The following CHODL variants were observed in gnomAD, a reference collection of about 807,000 sequenced individuals.
CHODL encodes the protein chondrolectin.
In CHODL, 29 loss-of-function variants were observed where a neutral mutation model predicts 34.5. The observed-to-expected ratio is 0.84, with a 90% CI of 0.63 to 1.15. The LOEUF is 1.15. Among genes scored for constraint, CHODL ranks in the 50% most tolerant of loss-of-function variants. The pLI, the probability that CHODL is intolerant of heterozygous loss-of-function variation, is 0.00. For missense variants in CHODL, 332 were observed against 332.5 expected (o/e 1.00, Z 0.01); for synonymous variants, 125 against 116.1 (o/e 1.08, Z -0.49).
intron 2 of CHODL, among the ~76,000 whole-genome samples, chr21:18,237,741 A>C (rs944692184): frequency 1.3e-5 from 2 of 152,042 alleles, no homozygotes; most frequent in Non-Finnish European, 2.9e-5. Flanking sequence ...TTCTCCACCT[A>C]CTGTTTGTTA....
chr21:18,070,280 A>T (rs1331843372), intron 2 of CHODL, among the ~76,000 whole-genome samples: 1 of 152,010 alleles, frequency 6.6e-6, no homozygotes, highest in African/African-American at 2.4e-5. Flanking sequence ...GTAGAAAAAT[A>T]ACATTAATGT....
At chr21:18,129,924 G>C (rs1185863107) in intron 2 of CHODL, among the ~76,000 whole-genome samples, 1 of 145,644 alleles carries the variant, frequency 6.9e-6, no homozygotes, top group Non-Finnish European at 1.5e-5. Flanking sequence ...GTGTGTGTGT[G>C]TGTGTCTGTG....
chr21:18,261,540 C>T (rs1242128041), intron 4 of CHODL, among the ~76,000 whole-genome samples: 1 of 151,468 alleles, frequency 6.6e-6, no homozygotes, highest in Non-Finnish European at 1.5e-5. Flanking sequence ...GGTGGCAGGT[C>T]CCTGTAATTC....
chr21:18,011,847 T>C (rs2064022538), intron 1 of CHODL, among the ~76,000 whole-genome samples: 1 of 152,230 alleles, frequency 6.6e-6, no homozygotes, highest in South Asian at 2.1e-4. Context: ...ACTCCACAGA[T>C]GTTGTGTACT....
At chr21:18,152,395 G>A (rs933971324) in intron 2 of CHODL, among the ~76,000 whole-genome samples, 60 of 152,306 alleles carry the variant, frequency 3.9e-4, no homozygotes, top group African/African-American at 1.4e-3. Flanking sequence ...AGAAATCTGA[G>A]TACTGCTTAG....
rs528425321 is a variant in CHODL, at chr21:18,009,419, T to G, written c.-144-18453T>G. Among the ~76,000 whole-genome samples the G allele has an allele frequency of 4.6e-5, 7 of 152,312 alleles. No individual in the cohort carries two copies. In the South Asian group the frequency reaches 1.2e-3, roughly 27 times the overall value. On this transcript the variant is annotated intron_variant, in intron 1 of 6. Transcript: ENST00000400127. ...TGAAGAATGGTTAATATATGCCTAG[T>G]GAGCACAGTTAATTGGGCTATAAAA... is the stretch of plus-strand genomic sequence containing the variant.
At chr21:17,949,617 TGA>T (rs1263561047) in intron 1 of CHODL, among the ~76,000 whole-genome samples, 1 of 152,164 alleles carries the variant, frequency 6.6e-6, no homozygotes, top group Non-Finnish European at 1.5e-5. Context: ...TGGCCTGGAA[TGA>T]GAGAGACCAT....
chr21:17,984,155 G>C (rs1241842657), intron 1 of CHODL, among the ~76,000 whole-genome samples: 1 of 152,114 alleles, frequency 6.6e-6, no homozygotes, highest in African/African-American at 2.4e-5. Context: ...TCATGCAGTG[G>C]TTATCCTTCC....
chr21:17,969,927 T>C (rs2063601116), intron 1 of CHODL, among the ~76,000 whole-genome samples: 3 of 152,204 alleles, frequency 2.0e-5, no homozygotes, highest in African/African-American at 7.2e-5. Flanking sequence ...ATTTGCTTCA[T>C]GTTTTAATGT....
intron 1 of CHODL, among the ~76,000 whole-genome samples, chr21:17,946,527 A>G (rs896963134): frequency 1.3e-5 from 2 of 152,152 alleles, no homozygotes; most frequent in African/African-American, 4.8e-5. Context: ...CTGCTATATT[A>G]TATTTCAGTT....
intron 3 of CHODL, among the ~76,000 whole-genome samples, chr21:18,258,086 C>T (rs1478967358): frequency 6.6e-6 from 1 of 152,132 alleles, no homozygotes; most frequent in Non-Finnish European, 1.5e-5. Flanking sequence ...CCTGAAATTA[C>T]ATGATTCTTT....
At chr21:18,135,222 A>G (rs935060650) in intron 2 of CHODL, among the ~76,000 whole-genome samples, 3 of 152,160 alleles carry the variant, frequency 2.0e-5, no homozygotes, top group Non-Finnish European at 4.4e-5. Context: ...TTGAGTTTTC[A>G]TTTAATCAGT....
At chr21:18,171,198 G>GTTCTTTTTTTTT (rs1333481522) in intron 2 of CHODL, among the ~76,000 whole-genome samples, 2,284 of 37,056 alleles carry the variant, frequency 0.062, 1,088 homozygotes, top group South Asian at 0.094. Flanking sequence ...GTTTTCTTTA[G>GTTCTTTTTTTTT]TTTTTTTTTT....
chr21:18,136,719 C>CATATATATAT (rs147280660), intron 2 of CHODL, among the ~76,000 whole-genome samples: 153 of 118,720 alleles, frequency 1.3e-3, no homozygotes, highest in Non-Finnish European at 2.1e-3. Context: ...TAAATCAAAG[C>CATATATATAT]ATATATATAT....
chr21:18,042,734 C>T (rs1388999303), intron 2 of CHODL, among the ~76,000 whole-genome samples: 1 of 151,840 alleles, frequency 6.6e-6, no homozygotes, highest in African/African-American at 2.4e-5. Context: ...GAGAGAAATT[C>T]TCTTGCGCAG....
chr21:18,249,013 A>G, intron 1 of CHODL, among the ~76,000 whole-genome samples: 1 of 112,468 alleles, frequency 8.9e-6, no homozygotes, highest in African/African-American at 3.8e-5. Flanking sequence ...TATATAATAT[A>G]TATTATACAT....
chr21:18,263,673 T>C (rs1249818756), intron 5 of CHODL, among the ~76,000 whole-genome samples: 3 of 152,202 alleles, frequency 2.0e-5, no homozygotes, highest in Non-Finnish European at 2.9e-5. Flanking sequence ...AGAGCATGTT[T>C]GCTAGAATAA....
intron 2 of CHODL, among the ~76,000 whole-genome samples, chr21:18,157,951 A>G (rs570629891): frequency 5.9e-5 from 9 of 152,268 alleles, no homozygotes; most frequent in African/African-American, 2.2e-4. Flanking sequence ...ATTCCAGAAA[A>G]GAAGTAAAAA....
intron 2 of CHODL, among the ~76,000 whole-genome samples, chr21:18,153,992 T>A (rs749872306): frequency 6.6e-6 from 1 of 152,068 alleles, no homozygotes; most frequent in Admixed American, 6.6e-5. Context: ...GCCATCGACC[T>A]CCAGCCAGAA....
Sources: gnomAD v4.1 joint callset for allele counts (sites outside exome capture counted in the v4.1 genomes callset) on GRCh38, gnomAD v4.1.1 for gene constraint, MANE v1.5 for transcripts, NCBI Gene and HGNC (gene_info 2026-07-23, HGNC 2026-07-21) for gene names.